ATAD2B: variants seen among roughly 807,000 people sequenced by gnomAD.
The protein encoded by ATAD2B is ATPase family AAA domain containing 2B, also known as ATPase family AAA domain-containing protein 2B.
A neutral mutation model predicts 167.6 loss-of-function variants in ATAD2B; 40 were observed. The ratio of observed to expected loss-of-function variants is 0.24; its 90% CI spans 0.19 to 0.31. The LOEUF (loss-of-function observed/expected upper bound fraction) is 0.31. ATAD2B is among the 10% of genes least tolerant of loss of function. ATAD2B has a pLI of 1.00. For synonymous variants in ATAD2B, 579 were observed against 596.5 expected (o/e 0.97, Z 0.43); for missense variants, 1,242 against 1,757.2 (o/e 0.71, Z 5.24).
intron 1 of ATAD2B, among the ~76,000 whole-genome samples, chr2:23,903,930 C>T (rs1195754060): frequency 1.3e-5 from 2 of 148,386 alleles, no homozygotes; most frequent in African/African-American, 4.9e-5. Context: ...TAAAAAGTGC[C>T]GGTTGTTGTT....
At chr2:23,792,671 A>C (rs570928041) in intron 19 of ATAD2B, among the ~76,000 whole-genome samples, 8 of 152,162 alleles carry the variant, frequency 5.3e-5, no homozygotes, top group Non-Finnish European at 1.0e-4. Context: ...CTTAGGGAAA[A>C]AAAACTTGTG....
intron 1 of ATAD2B, among the ~76,000 whole-genome samples, chr2:23,919,508 C>T (rs1349362553): frequency 6.6e-6 from 1 of 151,940 alleles, no homozygotes; most frequent in African/African-American, 2.4e-5. Context: ...GATCATGCCA[C>T]TGCACTCCAG....
chr2:23,894,090 A>AT (rs1430514293), intron 2 of ATAD2B, among the ~76,000 whole-genome samples: 1 of 152,180 alleles, frequency 6.6e-6, no homozygotes, highest in East Asian at 1.9e-4. Flanking sequence ...TTTTAAAGAA[A>AT]TATCTCACTC....
intron 1 of ATAD2B, among the ~76,000 whole-genome samples, chr2:23,923,347 A>C (rs1478886144): frequency 2.6e-5 from 4 of 152,222 alleles, no homozygotes; most frequent in African/African-American, 9.6e-5. Context: ...GGTGATTGCC[A>C]GGGTCTTGTG....
Position 23,863,568 on chromosome 2 carries a change from A to C in ATAD2B, c.1305-13T>G, listed in dbSNP as rs749554472. 1 of 1,536,486 alleles carries C rather than the reference A, an allele frequency of 6.5e-7. No individual in the cohort carries two copies. Among genetic ancestry groups the C allele is most frequent in the Non-Finnish European group, 8.7e-7 (1 of 1,144,838 alleles). On this transcript the variant is annotated splice_polypyrimidine_tract_variant and intron_variant, in intron 11 of 27. Transcript: ENST00000238789. The stretch of plus-strand genomic sequence containing the variant: ...AAACAAACAGCCCCTAGAAGAATAA[A>C]AAAATCAAGAAGTGTAAATTATATT...
chr2:23,687,569 G>T, the ATAD2B span, among the ~76,000 whole-genome samples: 1 of 152,230 alleles, frequency 6.6e-6, no homozygotes, highest in Non-Finnish European at 1.5e-5. Flanking sequence ...CCACAGTCTG[G>T]TGGGGACACG....
intron 1 of ATAD2B, among the ~76,000 whole-genome samples, chr2:23,903,382 T>G (rs948583927): frequency 6.6e-6 from 1 of 152,028 alleles, no homozygotes; most frequent in Non-Finnish European, 1.5e-5. Flanking sequence ...AAGAGAAGTA[T>G]AATAATAATA....
intron 1 of ATAD2B, among the ~76,000 whole-genome samples, chr2:23,917,033 C>T (rs1431375747): frequency 6.6e-6 from 1 of 152,250 alleles, no homozygotes; most frequent in East Asian, 1.9e-4. Context: ...AATGATACAA[C>T]TCCAGGAGTG....
chr2:23,730,166 A>T, the ATAD2B span, among the ~76,000 whole-genome samples: 1 of 152,212 alleles, frequency 6.6e-6, no homozygotes, highest in South Asian at 2.1e-4. Flanking sequence ...CTGGATAACA[A>T]AACAAACCAG....
At chr2:23,769,785 G>T (rs560144068) in intron 22 of ATAD2B, among the ~76,000 whole-genome samples, 8 of 147,710 alleles carry the variant, frequency 5.4e-5, no homozygotes, top group African/African-American at 1.2e-4. Flanking sequence ...GCATAATCTG[G>T]GCTCACTGCA....
At position 23,883,749 on chromosome 2, in the gene ATAD2B, ATC is replaced by A. The variant is rs551162707; in HGVS notation, c.784+1014_784+1015del. On this transcript the variant is annotated intron_variant, in intron 6 of 27. Transcript: ENST00000238789. ...ATTTTTAAAAAACATAGTCTTCTCA[ATC>A]TAAACTACACAAATAATGGGAACTA... 1.4e-3 allele frequency: 569 copies of A among 406,584 alleles called. 3 individuals are homozygous for A. The highest frequency in any genetic ancestry group is 0.012 in the African/African-American group (540 of 46,720). 25.2% of individuals were successfully genotyped at this position (406,584 alleles called of 1,614,324 possible). A position where few individuals can be genotyped will look rare whatever the true frequency, so the allele number is the denominator to read the frequency against.
Position 23,823,387 on chromosome 2 carries a change from C to T in ATAD2B, c.2002G>A (p.Val668Met), listed in dbSNP as rs745329103. The change falls in exon 16 of 28, where the codon GTG becomes ATG. Residue 668 changes from valine (V) to methionine (M), a missense_variant. Val to Met is a conservative substitution (Grantham distance 21). Around this residue, in one of 9 missense-constraint regions of ATAD2B, gnomAD observed 145 missense variants for 181.9 expected, o/e 0.80. Transcript: ENST00000238789. ...GATAGTGCATGCCCTGAAGACATCA[C>T]AGCACGTTGGGAAGCAGGCACGATA... ...QNIVPASQRAVMSSGHALSPI... is the reference protein window; with the variant it reads ...QNIVPASQRAMMSSGHALSPI... 1.9e-6 allele frequency: 3 copies of T among 1,613,934 alleles called. No individual in the cohort carries two copies. The highest frequency in any genetic ancestry group is 1.1e-5 in the South Asian group (1 of 91,076).
intron 18 of ATAD2B, among the ~76,000 whole-genome samples, chr2:23,803,338 A>ACACACG (rs756577548): frequency 1.2e-3 from 181 of 150,668 alleles, no homozygotes; most frequent in Admixed American, 3.0e-3. Context: ...ACACACACAC[A>ACACACG]CGCGCACGCA....
chr2:23,897,614 A>G (rs547072635), intron 1 of ATAD2B, among the ~76,000 whole-genome samples: 1 of 152,284 alleles, frequency 6.6e-6, no homozygotes, highest in East Asian at 1.9e-4. Context: ...TATTCTACAA[A>G]TTATAATTTC....
intron 23 of ATAD2B, among the ~76,000 whole-genome samples, chr2:23,762,764 G>A (rs370498310): frequency 1.4e-4 from 22 of 152,060 alleles, no homozygotes; most frequent in East Asian, 5.8e-4. Flanking sequence ...GCTTCCTGTC[G>A]CACCACACTG....
At chr2:23,857,712 T>C (rs1693638228) in intron 12 of ATAD2B, among the ~76,000 whole-genome samples, 1 of 150,744 alleles carries the variant, frequency 6.6e-6, no homozygotes, top group African/African-American at 2.4e-5. Flanking sequence ...TATTCTTCCA[T>C]ACATACTTAT....
In ATAD2B at chr2:23,751,370, T is replaced by C. The variant is rs919195412; in HGVS notation, c.*676A>G. 4.6e-5 allele frequency: 7 copies of C among 152,128 alleles called. No individual in the cohort carries two copies. Among genetic ancestry groups the C allele is most frequent in the South Asian group, 2.1e-4 (1 of 4,832 alleles). The allele number at this position is 152,128 out of a possible 1,614,324, so 9.4% of individuals were successfully genotyped here. On this transcript the variant is annotated 3_prime_UTR_variant, in exon 28 of 28. Coordinates refer to ENST00000238789, the MANE Select transcript of ATAD2B (RefSeq NM_017552.4). ...AAACACTGGTTGTCTCTTAATGACA[T>C]AGAGTATCAAAACTTATTTTCAAGG...
At chr2:23,775,558 C>T (rs1047701360) in intron 22 of ATAD2B, among the ~76,000 whole-genome samples, 1 of 152,060 alleles carries the variant, frequency 6.6e-6, no homozygotes, top group African/African-American at 2.4e-5. Flanking sequence ...AAGCTACATG[C>T]TATTAAAAAG....
At chr2:23,772,838 C>T (rs2149352793) in intron 22 of ATAD2B, among the ~76,000 whole-genome samples, 1 of 152,262 alleles carries the variant, frequency 6.6e-6, no homozygotes, top group East Asian at 1.9e-4. Flanking sequence ...TCAAACAGTC[C>T]TCTCTGCCTC....
Sources: gnomAD v4.1 joint callset for allele counts (sites outside exome capture counted in the v4.1 genomes callset) on GRCh38, gnomAD v4.1.1 for gene constraint, gnomAD v4.1.1 regional missense constraint, MANE v1.5 for transcripts, NCBI Gene and HGNC (gene_info 2026-07-23, HGNC 2026-07-21) for gene names.